The following TMPRSS9 variants were observed in gnomAD, a reference collection of about 807,000 sequenced individuals.
TMPRSS9 encodes the protein transmembrane protease serine 9.
A neutral mutation model predicts 111.4 loss-of-function variants in TMPRSS9; 113 were observed. The observed-to-expected ratio is 1.01, with a 90% confidence interval of 0.87 to 1.19. The LOEUF (loss-of-function observed/expected upper bound fraction) is 1.19, where lower values mean the gene tolerates loss of function less well. Among genes scored for constraint, TMPRSS9 ranks in the 50% most tolerant of loss-of-function variants. The pLI, the probability that TMPRSS9 is intolerant of heterozygous loss-of-function variation, is 0.00. For missense variants in TMPRSS9, 1,803 were observed against 1,513.1 expected (o/e 1.19, Z -3.18); for synonymous variants, 805 against 659.1 (o/e 1.22, Z -3.39).
rs972480620 is a variant in TMPRSS9, at chr19:2,424,999, C to T, written c.2718-3C>T. The T allele has an allele frequency of 2.6e-6, 4 of 1,520,388 alleles. No homozygotes were observed. The highest frequency in any genetic ancestry group is 1.2e-5 in the South Asian group (1 of 82,934). The allele number at this position is 1,520,388 out of a possible 1,614,324, so 94.2% of individuals were successfully genotyped here. On this transcript the variant is annotated splice_region_variant and splice_polypyrimidine_tract_variant and intron_variant, in intron 15 of 17. Transcript: ENST00000648592. ...CCGACGCCTGTCCTCGCGCGCCCCG[C>T]AGCTACGGGGACCCCAAGCAGTGGG...
intron 13 of TMPRSS9, among the ~76,000 whole-genome samples, chr19:2,421,018 G>A (rs569939540): frequency 1.3e-5 from 2 of 152,054 alleles, no homozygotes; most frequent in Admixed American, 6.6e-5. Context: ...CAGCCTGGCC[G>A]ACGTGGTGAA....
chr19:2,377,308 T>C (rs1162928842), intron 1 of TMPRSS9, among the ~76,000 whole-genome samples: 2 of 120,034 alleles, frequency 1.7e-5, no homozygotes, highest in Non-Finnish European at 3.3e-5. Context: ...TATGTATGTA[T>C]GTATGTATTT....
At chr19:2,408,418 C>T (rs1157979715) in exon 8 of TMPRSS9, 1 of 1,613,828 alleles carries the variant, frequency 6.2e-7, no homozygotes, top group Non-Finnish European at 8.5e-7. Flanking sequence ...GGCTCGGAGG[C>T]CAGCACCGTG....
chr19:2,417,992 T>G lies in TMPRSS9; in HGVS notation c.2018-10T>G. Reference sequence around the variant, plus strand: ...TGTGCACGTGGCCTTTCTGGCTCTTTCCCTGGTAGCCACCAAGCCCGAGCT... The same window carrying G: ...TGTGCACGTGGCCTTTCTGGCTCTTGCCCTGGTAGCCACCAAGCCCGAGCT... On this transcript the variant is annotated splice_polypyrimidine_tract_variant and intron_variant, in intron 12 of 17. Coordinates refer to ENST00000648592, the Ensembl canonical transcript of TMPRSS9. The G allele has an allele frequency of 6.2e-7, 1 of 1,611,744 alleles. No individual in the cohort carries two copies. Among genetic ancestry groups the G allele is most frequent in the Non-Finnish European group, 8.5e-7 (1 of 1,179,408 alleles).
chr19:2,364,858 G>A (rs1970236119), intron 1 of TMPRSS9, among the ~76,000 whole-genome samples: 1 of 151,922 alleles, frequency 6.6e-6, no homozygotes, highest in Non-Finnish European at 1.5e-5. Flanking sequence ...CTGGTGGCGG[G>A]CGCCTGTAAT....
At chr19:2,413,805 G>T in exon 10 of TMPRSS9, 2 of 1,613,830 alleles carry the variant, frequency 1.2e-6, no homozygotes, top group Non-Finnish European at 1.7e-6. Context: ...GCGTCCAGGG[G>T]TCTATGCCCG....
At chr19:2,386,517 A>C (rs1970481312), upstream of TMPRSS9, among the ~76,000 whole-genome samples, 2 of 151,534 alleles carry the variant, frequency 1.3e-5, no homozygotes, top group South Asian at 2.1e-4. Context: ...AAAAAAAAAA[A>C]CCAAAAAAAC....
exon 13 of TMPRSS9, chr19:2,418,078 C>G: frequency 6.2e-7 from 1 of 1,612,422 alleles, no homozygotes; most frequent in Non-Finnish European, 8.5e-7. Flanking sequence ...TCTACAACTT[C>G]TCCCTCACAG....
At chr19:2,424,255 C>T (rs1971541676) in exon 15 of TMPRSS9, 7 of 1,374,988 alleles carry the variant, frequency 5.1e-6, no homozygotes, top group Non-Finnish European at 6.6e-6. Context: ...ACTGCTTCGA[C>T]GTGTGAGTTC....
At chr19:2,372,803 A>G (rs949049832) in intron 1 of TMPRSS9, among the ~76,000 whole-genome samples, 2 of 152,148 alleles carry the variant, frequency 1.3e-5, no homozygotes, top group African/African-American at 4.8e-5. Context: ...ATTTAGAAAT[A>G]TGGGTGTTCT....
upstream of TMPRSS9, chr19:2,389,756 T>C (rs1345874456): frequency 6.3e-7 from 1 of 1,596,220 alleles, no homozygotes; most frequent in Non-Finnish European, 8.6e-7. Flanking sequence ...CTGTGTGGCA[T>C]CCAGCTCGCT....
intron 1 of TMPRSS9, among the ~76,000 whole-genome samples, chr19:2,363,374 A>G (rs777747444): frequency 6.6e-6 from 1 of 152,044 alleles, no homozygotes; most frequent in Non-Finnish European, 1.5e-5. Context: ...CCCTGTTGTC[A>G]CTGTGGTTGG....
At chr19:2,424,785 C>T (rs1440941853) in intron 15 of TMPRSS9, among the ~76,000 whole-genome samples, 3 of 152,088 alleles carry the variant, frequency 2.0e-5, no homozygotes, top group Non-Finnish European at 4.4e-5. Flanking sequence ...CACTAGACCC[C>T]TTTTCAGAGC....
chr19:2,409,207 C>T (rs1971045600), intron 8 of TMPRSS9, among the ~76,000 whole-genome samples: 2 of 145,064 alleles, frequency 1.4e-5, no homozygotes, highest in Non-Finnish European at 3.0e-5. Context: ...GTGGTGCGAT[C>T]TCTGCTCACT....
At chr19:2,390,683 C>G (rs943425489) in intron 1 of TMPRSS9, among the ~76,000 whole-genome samples, 1 of 151,610 alleles carries the variant, frequency 6.6e-6, no homozygotes, top group Non-Finnish European at 1.5e-5. Context: ...TGATAAAGCC[C>G]TGCCTCTACA....
In TMPRSS9 at chr19:2,391,188, C is replaced by T. The variant is rs373639119; in HGVS notation, c.142+1261C>T. Among the ~76,000 whole-genome samples the T allele has an allele frequency of 2.4e-5, 3 of 123,644 alleles. No homozygotes were observed. In the East Asian group the frequency reaches 7.2e-4, roughly 30 times the overall value. The allele number at this position is 123,644 out of a possible 152,430, so 81.1% of individuals were successfully genotyped here. ...GGAGGAGGCAGAGATTGCAGTGAGC[C>T]GAGATCATGCCCTTGCAGTCCAGCC... On this transcript the variant is annotated intron_variant, in intron 1 of 17. Coordinates refer to ENST00000648592, the Ensembl canonical transcript of TMPRSS9.
At chr19:2,363,458 C>A (rs73522364) in intron 1 of TMPRSS9, among the ~76,000 whole-genome samples, 128 of 150,688 alleles carry the variant, frequency 8.5e-4, no homozygotes, top group African/African-American at 2.9e-3. Flanking sequence ...CAAAGGCGTC[C>A]CTTCTCTGAT....
chr19:2,424,210 G>T, exon 15 of TMPRSS9: 1 of 1,443,832 alleles, frequency 6.9e-7, no homozygotes, highest in Non-Finnish European at 9.2e-7. Context: ...GCGGGGCCGT[G>T]CTGGTGGCAG....
intron 1 of TMPRSS9, among the ~76,000 whole-genome samples, chr19:2,360,814 G>A (rs1311906401): frequency 6.6e-6 from 1 of 151,324 alleles, no homozygotes; most frequent in African/African-American, 2.4e-5. Flanking sequence ...GGACGCAGCC[G>A]GGATTGTGTG....
Sources: allele counts gnomAD v4.1 joint callset (sites outside exome capture counted in the v4.1 genomes callset), GRCh38; gene constraint gnomAD v4.1.1; transcripts MANE v1.5; gene names NCBI Gene and HGNC (gene_info 2026-07-23, HGNC 2026-07-21).